VGLL3: variants seen among roughly 807,000 people sequenced by gnomAD.
The protein encoded by VGLL3 is transcription cofactor vestigial-like protein 3.
A neutral mutation model predicts 29.2 loss-of-function variants in VGLL3; 18 were observed. That is an observed-to-expected ratio of 0.62 (90% CI 0.43 to 0.91). The LOEUF is 0.91. Among genes scored for constraint, VGLL3 ranks in the 40% least tolerant of loss-of-function variants. The probability of loss-of-function intolerance (pLI) is 0.00; values close to 1 mark genes in which losing one functional copy is unlikely to be tolerated. For synonymous variants in VGLL3, 180 were observed against 151.8 expected (o/e 1.19, Z -1.36); for missense variants, 440 against 413.2 (o/e 1.06, Z -0.56).
At chr3:86,974,350 C>T (rs939071213) in intron 2 of VGLL3, among the ~76,000 whole-genome samples, 13 of 152,054 alleles carry the variant, frequency 8.5e-5, no homozygotes, top group African/African-American at 2.9e-4. Flanking sequence ...AACTCCTGAC[C>T]TCAGGTGAAC....
rs1456286412 is a variant in VGLL3 at position 86,946,558 on chromosome 3, T to C, written c.*466A>G. 1 of 152,460 alleles carries C rather than the reference T, an allele frequency of 6.6e-6. No individual in the cohort carries two copies. Among genetic ancestry groups the C allele is most frequent in the Non-Finnish European group, 1.5e-5 (1 of 68,254 alleles). The allele number at this position is 152,460 out of a possible 1,614,324, so 9.4% of individuals were successfully genotyped here. ...AAACAGAACTCAACAATTTTTACAA[T>C]TTTAAAAAAAATACATCCCTCAAAA... On this transcript the variant is annotated 3_prime_UTR_variant, in exon 4 of 4. Coordinates refer to ENST00000398399, the MANE Select transcript of VGLL3 (RefSeq NM_016206.4).
At chr3:86,975,553 C>A (rs933260295) in intron 2 of VGLL3, among the ~76,000 whole-genome samples, 1 of 151,908 alleles carries the variant, frequency 6.6e-6, no homozygotes, top group South Asian at 2.1e-4. Context: ...TAACTTATTA[C>A]CAAGAAATTT....
chr3:86,962,920 T>C, intron 3 of VGLL3: 1 of 116,880 alleles, frequency 8.6e-6, no homozygotes, highest in Non-Finnish European at 2.1e-5. Flanking sequence ...TTCAAAATAG[T>C]GACTATCTAC....
chr3:86,969,153 TA>T (rs1257722076), intron 2 of VGLL3, 30 bp from the exon 3 acceptor site: 1 of 1,533,382 alleles, frequency 6.5e-7, no homozygotes, highest in Non-Finnish European at 8.8e-7. Flanking sequence ...AAAACATTAT[TA>T]ACATAAGACT....
At chr3:86,953,740 T>C (rs558469797) in intron 3 of VGLL3, among the ~76,000 whole-genome samples, 2 of 152,178 alleles carry the variant, frequency 1.3e-5, no homozygotes, top group Non-Finnish European at 2.9e-5. Flanking sequence ...GTTTATGCTT[T>C]TTAAAAAGTA....
At chr3:86,978,961 C>A (rs1364132830) in intron 1 of VGLL3, among the ~76,000 whole-genome samples, 159 bp from the exon 2 acceptor site, 2 of 152,154 alleles carry the variant, frequency 1.3e-5, no homozygotes, top group African/African-American at 4.8e-5. Context: ...CCTCCCCAAA[C>A]CAGTTGCCTC....
chr3:86,967,164 A>G (rs952288982), intron 3 of VGLL3, among the ~76,000 whole-genome samples: 1 of 152,076 alleles, frequency 6.6e-6, no homozygotes, highest in Non-Finnish European at 1.5e-5. Flanking sequence ...TGCTAAGAGC[A>G]TTGTTGCTGT....
intron 1 of VGLL3, among the ~76,000 whole-genome samples, chr3:86,982,103 A>G (rs575684223): frequency 2.6e-5 from 4 of 152,080 alleles, no homozygotes; most frequent in East Asian, 3.9e-4. Flanking sequence ...ACTACTTTCT[A>G]ATGTCTGTGT....
chr3:86,963,429 C>A (rs969248246), intron 3 of VGLL3, among the ~76,000 whole-genome samples: 1 of 151,962 alleles, frequency 6.6e-6, no homozygotes, highest in African/African-American at 2.4e-5. Context: ...CCAGGCATAG[C>A]GGATAGGGAA....
At chr3:86,962,289 C>T (rs1704866076) in intron 3 of VGLL3, 1 of 985,402 alleles carries the variant, frequency 1.0e-6, no homozygotes, top group African/African-American at 1.7e-5. Flanking sequence ...GCTCGCATGA[C>T]AGCAAAGCAA....
At chr3:86,949,826 C>CAAAAA (rs568854625) in intron 3 of VGLL3, among the ~76,000 whole-genome samples, 18 of 58,904 alleles carry the variant, frequency 3.1e-4, no homozygotes, top group Admixed American at 9.6e-4. Context: ...GACTCCATCT[C>CAAAAA]AAAAAAAAAA....
Position 86,946,024 on chromosome 3 carries a change from T to C in VGLL3, c.*1000A>G, listed in dbSNP as rs1559717519. The stretch of plus-strand genomic sequence containing the variant: ...TAAAATATGACTTTTTAAATTGCCA[T>C]GAATGAATAATTAAAAACAAGTAAA... On this transcript the variant is annotated 3_prime_UTR_variant, in exon 4 of 4. Coordinates refer to ENST00000398399, the MANE Select transcript of VGLL3 (RefSeq NM_016206.4). The C allele has an allele frequency of 1.3e-5, 2 of 152,174 alleles. No homozygotes were observed. The highest frequency in any genetic ancestry group is 4.8e-5 in the African/African-American group (2 of 41,446). The allele number at this position is 152,174 out of a possible 1,614,324, so 9.4% of individuals were successfully genotyped here. A position where few individuals can be genotyped will look rare whatever the true frequency, so the allele number is the denominator to read the frequency against.
chr3:86,980,127 CTT>C (rs544943595), intron 1 of VGLL3, among the ~76,000 whole-genome samples: 22 of 140,064 alleles, frequency 1.6e-4, no homozygotes, highest in Non-Finnish European at 1.7e-4. Context: ...TTGATCATAC[CTT>C]TTTTTTTTTT....
intron 2 of VGLL3, among the ~76,000 whole-genome samples, chr3:86,970,483 G>GCACACA (rs10694503): frequency 0.16 from 22,021 of 141,072 alleles, 1,871 homozygotes; most frequent in Admixed American, 0.24. Flanking sequence ...TTACACACAC[G>GCACACA]CACACACACA....
chr3:86,947,159 C>A, intron 3 of VGLL3, 92 bp from the exon 4 acceptor site: 2 of 749,844 alleles, frequency 2.7e-6, no homozygotes, highest in Non-Finnish European at 5.0e-6. Context: ...GATATAGAAA[C>A]CAAAATGATA....
chr3:86,941,980 G>A lies in VGLL3; in HGVS notation c.*5044C>T, dbSNP rs192031605. The stretch of plus-strand genomic sequence containing the variant: ...GGTTATATGTTTGTTTTCAACATTC[G>A]TTTTTGAATGGATGTTGAAAGTTAG... On this transcript the variant is annotated 3_prime_UTR_variant, in exon 4 of 4. Coordinates refer to ENST00000398399, the MANE Select transcript of VGLL3 (RefSeq NM_016206.4). 132 of 152,120 alleles carry A rather than the reference G, an allele frequency of 8.7e-4. No homozygotes were observed. Among genetic ancestry groups the A allele is most frequent in the African/African-American group, 3.0e-3 (125 of 41,512 alleles). 9.4% of individuals were successfully genotyped at this position (152,120 alleles called of 1,614,324 possible). A position where few individuals can be genotyped will look rare whatever the true frequency, so the allele number is the denominator to read the frequency against.
At chr3:86,961,813 G>T in intron 3 of VGLL3, 3 of 542,614 alleles carry the variant, frequency 5.5e-6, no homozygotes, top group African/African-American at 2.1e-5. Flanking sequence ...CTTCTATTAT[G>T]CAGAAGTGAC....
rs1344404279 is a variant in VGLL3 at position 86,944,850 on chromosome 3, G to A, written c.*2174C>T. Reference sequence around the variant, plus strand: ...CACTACTTTCAAATAAATTACAAAGGAAGTTAATGTATTCCGAAGGTGGAT... The same window carrying A: ...CACTACTTTCAAATAAATTACAAAGAAAGTTAATGTATTCCGAAGGTGGAT... On this transcript the variant is annotated 3_prime_UTR_variant, in exon 4 of 4. Coordinates refer to ENST00000398399, the MANE Select transcript of VGLL3 (RefSeq NM_016206.4). 1.3e-5 allele frequency: 2 copies of A among 152,182 alleles called. No individual in the cohort carries two copies. The highest frequency in any genetic ancestry group is 2.9e-5 in the Non-Finnish European group (2 of 68,034). 9.4% of individuals were successfully genotyped at this position (152,182 alleles called of 1,614,324 possible).
At chr3:86,960,014 A>C (rs1454206696) in intron 3 of VGLL3, among the ~76,000 whole-genome samples, 1 of 151,992 alleles carries the variant, frequency 6.6e-6, no homozygotes, top group East Asian at 1.9e-4. Flanking sequence ...CGCTATTCTC[A>C]CCCGGTTTTT....
Sources: gnomAD v4.1 joint callset for allele counts (sites outside exome capture counted in the v4.1 genomes callset) on GRCh38, gnomAD v4.1.1 for gene constraint, MANE v1.5 for transcripts, NCBI Gene and HGNC (gene_info 2026-07-23, HGNC 2026-07-21) for gene names.